DBH: variants seen among roughly 807,000 people sequenced by gnomAD.
DBH encodes the protein dopamine beta-hydroxylase, also known as dopamine beta-hydroxylase (dopamine beta-monooxygenase).
In DBH, 49 loss-of-function variants were observed where a neutral mutation model predicts 64.0. The ratio of observed to expected loss-of-function variants is 0.77; its 90% CI spans 0.61 to 0.97. The LOEUF (loss-of-function observed/expected upper bound fraction) is 0.97, where lower values mean the gene tolerates loss of function less well. DBH is among the 50% of genes least tolerant of loss of function. The probability of loss-of-function intolerance (pLI) is 0.00; values close to 1 mark genes in which losing one functional copy is unlikely to be tolerated. For missense variants in DBH, 828 were observed against 826.6 expected, an observed-to-expected ratio of 1.00 and a Z score of -0.02; for synonymous variants, 343 against 347.1, an observed-to-expected ratio of 0.99 and a Z score of 0.13.
chr9:133,653,404 C>A (rs1252218506), intron 9 of DBH, among the ~76,000 whole-genome samples: 1 of 152,092 alleles, frequency 6.6e-6, no homozygotes, highest in East Asian at 1.9e-4. Context: ...GGGAGACAGG[C>A]CTGGAGCACC....
chr9:133,638,326 CTTT>C (rs1462143938), intron 1 of DBH, among the ~76,000 whole-genome samples: 1 of 152,210 alleles, frequency 6.6e-6, no homozygotes, highest in Non-Finnish European at 1.5e-5. Context: ...CATTGTGTGG[CTTT>C]TTTCTCTAGG....
chr9:133,648,786 A>C (rs962083346), intron 6 of DBH, among the ~76,000 whole-genome samples: 8 of 152,218 alleles, frequency 5.3e-5, no homozygotes, highest in Non-Finnish European at 1.2e-4. Context: ...TGCTTGCCCT[A>C]TCTTGGTCCA....
At chr9:133,657,682 G>C (rs1832353349) in intron 11 of DBH, among the ~76,000 whole-genome samples, 5 of 151,610 alleles carry the variant, frequency 3.3e-5, no homozygotes, top group Admixed American at 3.3e-4. Context: ...AAACGAACCA[G>C]TCTGAAGCTG....
intron 1 of DBH, among the ~76,000 whole-genome samples, chr9:133,638,858 C>T (rs1489724195): frequency 6.6e-6 from 1 of 152,170 alleles, no homozygotes; most frequent in Non-Finnish European, 1.5e-5. Context: ...CGCTGTCTCT[C>T]AGTGGGTCTC....
At chr9:133,650,542 C>T (rs61689820) in intron 6 of DBH, among the ~76,000 whole-genome samples, 12,173 of 121,872 alleles carry the variant, frequency 0.1, 1,340 homozygotes, top group African/African-American at 0.27. Context: ...TTTCTTTCTT[C>T]CTTCCTTTCT....
chr9:133,644,945 GCACACA>G (rs1158863898), intron 5 of DBH, among the ~76,000 whole-genome samples: 1 of 116,138 alleles, frequency 8.6e-6, no homozygotes, highest in Admixed American at 7.7e-5. Context: ...CGCACACAAT[GCACACA>G]CACACGCACA....
intron 6 of DBH, among the ~76,000 whole-genome samples, chr9:133,648,240 G>A (rs55762005): frequency 6.6e-6 from 1 of 152,230 alleles, no homozygotes; most frequent in East Asian, 1.9e-4. Flanking sequence ...GCTCCCACTA[G>A]TCCACACCCA....
At position 133,643,642 on chromosome 9, in the gene DBH, C is replaced by T. The variant is rs56918159; in HGVS notation, c.921+53C>T. ...GTCTCCTGCCTGGGCCCCTGGCATC[C>T]CCACACCTCTGTTTCCCCAGCTTCA... On this transcript the variant is annotated intron_variant, in intron 4 of 11. Transcript: ENST00000393056. This position sits in a 1 kb window ranked among gnomAD's most constrained non-coding sequence, Gnocchi z 5.3. 4.6e-3 allele frequency: 7,345 copies of T among 1,585,602 alleles called. 311 individuals are homozygous for T. In the African/African-American group the frequency reaches 0.085, roughly 18 times the overall value.
At chr9:133,657,629 C>G (rs1403199146) in intron 11 of DBH, among the ~76,000 whole-genome samples, 1 of 152,178 alleles carries the variant, frequency 6.6e-6, no homozygotes, top group Non-Finnish European at 1.5e-5. Flanking sequence ...GCAGGGCGCA[C>G]TAACCTGCCT....
At chr9:133,642,089 G>A (rs1238838254) in intron 2 of DBH, 118 bp from the exon 3 acceptor site, 1 of 1,405,184 alleles carries the variant, frequency 7.1e-7, no homozygotes, top group Non-Finnish European at 9.9e-7. Context: ...TATTCACAGA[G>A]ATGAGAGTGA....
chr9:133,639,966 T>A lies in DBH; in HGVS notation c.460T>A (p.Cys154Ser). ...GCTTTTCAAGAGGCCCTTTGGCACC[T>A]GCGACCCCAAGGATTACCTCATTGA... ...TLLFKRPFGT[C>S]DPKDYLIEDG... The change falls in exon 2 of 12, where the codon TGC becomes AGC. Residue 154 changes from cysteine to serine, a missense_variant. Cys to Ser is a moderately radical substitution (Grantham distance 112). Coordinates refer to ENST00000393056, the MANE Select transcript of DBH (RefSeq NM_000787.4). The A allele has an allele frequency of 6.2e-7, 1 of 1,613,916 alleles. No homozygotes were observed. Among genetic ancestry groups the A allele is most frequent in the Non-Finnish European group, 8.5e-7 (1 of 1,179,968 alleles).
intron 7 of DBH, 131 bp from the exon 8 acceptor site, chr9:133,652,115 C>T: frequency 2.0e-6 from 2 of 1,022,752 alleles, no homozygotes; most frequent in South Asian, 1.3e-5. Context: ...CTGGCTTCCA[C>T]TGTAGAGGCT....
chr9:133,648,154 T>C, intron 6 of DBH, 142 bp downstream of exon 6: 1 of 1,003,000 alleles, frequency 1.0e-6, no homozygotes, highest in East Asian at 2.6e-5. Context: ...CCTCCCTCTT[T>C]TCTGTATGCA....
At chr9:133,650,551 CT>C (rs5901024) in intron 6 of DBH, among the ~76,000 whole-genome samples, 346 of 112,326 alleles carry the variant, frequency 3.1e-3, no homozygotes, top group African/African-American at 6.1e-3. Context: ...TCCTTCCTTT[CT>C]TTTTTTTTTT....
At chr9:133,639,802 G>A (rs370670177) in intron 1 of DBH, 44 bp from the exon 2 acceptor site, 329 of 1,592,330 alleles carry the variant, frequency 2.1e-4, no homozygotes, top group Non-Finnish European at 2.6e-4. Context: ...GGATTGGCCC[G>A]GCTTGGCTCC....
At position 133,636,419 on chromosome 9, in the gene DBH, G is replaced by A. The variant is rs1406636414; in HGVS notation, c.48G>A (p.Arg16=). ...CCAGCCTGCCCGGCCCCAGCATGCGGGAGGCAGCCTTCATGTACAGCACAG... is the reference window on the plus strand; with the variant it reads ...CCAGCCTGCCCGGCCCCAGCATGCGAGAGGCAGCCTTCATGTACAGCACAG... ...RWASLPGPSM[R]EAAFMYSTAV... is the part of the protein sequence containing the mutation. The change falls in exon 1 of 12, where the codon CGG becomes CGA. Residue 16 remains arginine (R), a synonymous_variant. Coordinates refer to ENST00000393056, the MANE Select transcript of DBH (RefSeq NM_000787.4). 6.2e-7 allele frequency: 1 copy of A among 1,612,552 alleles called. No individual in the cohort carries two copies. Among genetic ancestry groups the A allele is most frequent in the African/African-American group, 1.3e-5 (1 of 75,076 alleles).
At chr9:133,658,257 AAG>A in intron 11 of DBH, 57 bp from the exon 12 acceptor site, 1 of 1,595,712 alleles carries the variant, frequency 6.3e-7, no homozygotes, top group South Asian at 1.1e-5. Context: ...GTGGCTGGGG[AAG>A]CAGCCACCCA....
chr9:133,637,770 C>T (rs1564207442), intron 1 of DBH, among the ~76,000 whole-genome samples: 1 of 152,196 alleles, frequency 6.6e-6, no homozygotes, highest in Admixed American at 6.5e-5. Flanking sequence ...TCCCAAGACT[C>T]GGCCAGGAGG....
At position 133,651,758 on chromosome 9, in the gene DBH, A is replaced by G; in HGVS notation, c.1316A>G (p.His439Arg). ...TGGGAGATCGTGAACCAGGACAATC[A>G]CTACAGCCCTCACTTCCAGGTAGGA... ...REWEIVNQDN[H>R]YSPHFQEIRM... The change falls in exon 7 of 12, where the codon CAC becomes CGC. Residue 439 changes from histidine (H) to arginine (R), a missense_variant. His to Arg is a conservative substitution (Grantham distance 29). Transcript: ENST00000393056. 1 of 1,610,296 alleles carries G rather than the reference A, an allele frequency of 6.2e-7. No individual in the cohort carries two copies. Among genetic ancestry groups the G allele is most frequent in the Non-Finnish European group, 8.5e-7 (1 of 1,178,534 alleles).
Sources: gnomAD v4.1 joint callset for allele counts (sites outside exome capture counted in the v4.1 genomes callset) on GRCh38, gnomAD v4.1.1 for gene constraint, Gnocchi (gnomAD v3.1) non-coding constraint, MANE v1.5 for transcripts, NCBI Gene and HGNC (gene_info 2026-07-23, HGNC 2026-07-21) for gene names.